HMCN1: variants seen among roughly 807,000 people sequenced by gnomAD.
HMCN1 encodes the protein hemicentin-1.
HMCN1 carries 321 observed loss-of-function variants against 625.9 expected under a neutral mutation model. The observed-to-expected ratio is 0.51, with a 90% CI of 0.47 to 0.56. The LOEUF is 0.56. Ranked by LOEUF, HMCN1 falls within the 20% of genes least tolerant of loss-of-function variation. HMCN1 has a pLI of 0.00. For synonymous variants in HMCN1, 2,425 were observed against 2,417.6 expected (o/e 1.00, Z -0.09); for missense variants, 6,588 against 6,887.3 (o/e 0.96, Z 1.54).
intron 69 of HMCN1, among the ~76,000 whole-genome samples, chr1:186,106,490 T>C (rs979114319): frequency 9.2e-5 from 14 of 152,226 alleles, no homozygotes; most frequent in African/African-American, 2.9e-4. Context: ...GTTTACTTAT[T>C]TAACATCTTA....
At chr1:186,101,817 T>A (rs930949096) in intron 68 of HMCN1, among the ~76,000 whole-genome samples, 4 of 152,038 alleles carry the variant, frequency 2.6e-5, no homozygotes, top group Non-Finnish European at 1.5e-5. Flanking sequence ...AGTAAATAAT[T>A]GACTATGGCA....
chr1:186,117,272 A>T (rs1049453963), intron 76 of HMCN1, among the ~76,000 whole-genome samples, 157 bp downstream of exon 76: 1 of 152,010 alleles, frequency 6.6e-6, no homozygotes, highest in Non-Finnish European at 1.5e-5. Context: ...AACTAGTGTC[A>T]TGGGGGTTTG....
chr1:185,846,576 ATG>A (rs1661831084), intron 2 of HMCN1, among the ~76,000 whole-genome samples: 1 of 152,234 alleles, frequency 6.6e-6, no homozygotes, highest in Non-Finnish European at 1.5e-5. Context: ...ATTGGTTTAA[ATG>A]TTATTCTGAA....
In HMCN1 at chr1:186,170,623, T is replaced by C. The variant is rs140668115; in HGVS notation, c.15575-714T>C. On this transcript the variant is annotated intron_variant, in intron 100 of 106. Transcript: ENST00000271588. ...GGGAATGATTGATGGACTACAGTCC[T>C]CATCTTGGTGAGGAAGGGTAAGATG... Among the ~76,000 whole-genome samples the C allele has an allele frequency of 3.6e-4, 55 of 152,286 alleles. No individual in the cohort carries two copies. In the East Asian group the frequency reaches 0.01, roughly 29 times the overall value.
chr1:185,999,806 G>C (rs373769810), intron 25 of HMCN1, among the ~76,000 whole-genome samples: 2 of 151,972 alleles, frequency 1.3e-5, no homozygotes, highest in East Asian at 1.9e-4. Context: ...TGAATGTTTA[G>C]ATAAAAACAA....
intron 4 of HMCN1, among the ~76,000 whole-genome samples, chr1:185,887,508 C>T (rs1340916833): frequency 6.7e-6 from 1 of 150,230 alleles, no homozygotes; most frequent in African/African-American, 2.4e-5. Context: ...CTTCCTGTGT[C>T]CATGTGATAT....
At chr1:186,122,874 GC>G in intron 80 of HMCN1, 76 bp from the exon 81 acceptor site, 2 of 1,421,074 alleles carry the variant, frequency 1.4e-6, no homozygotes, top group Non-Finnish European at 2.0e-6. Context: ...GTTTGCTAGA[GC>G]AGTACTGTAG....
At chr1:186,161,550 A>T (rs1436988849) in intron 97 of HMCN1, among the ~76,000 whole-genome samples, 1 of 151,298 alleles carries the variant, frequency 6.6e-6, no homozygotes, top group Admixed American at 6.6e-5. Context: ...ATTTTGCAGC[A>T]GCTGGTACCA....
chr1:186,018,351 T>A lies in HMCN1; in HGVS notation c.5469T>A (p.His1823Gln). 6.2e-7 allele frequency: 1 copy of A among 1,612,298 alleles called. No homozygotes were observed. Among genetic ancestry groups the A allele is most frequent in the Non-Finnish European group, 8.5e-7 (1 of 1,178,614 alleles). Residue 1823 changes from histidine to glutamine, a missense_variant and splice_region_variant, in exon 34 of 107, where the codon CAT (histidine) becomes CAA (glutamine). By Grantham distance (24) the His-to-Gln change is conservative. This residue lies in a region of HMCN1 where 4,628 missense variants were observed against 4,853.1 expected (regional missense o/e 0.95). Transcript: ENST00000271588. ...AGAAGGAATTTGAAGTGACTGTTCA[T>A]GGTATGCTGAAGAAGGGACAGGAAC... is the stretch of plus-strand genomic sequence containing the variant. ...DHKKEFEVTV[H>Q]VPPTIKSSGL...
rs1571678261 is a variant in HMCN1 at position 185,992,039 on chromosome 1, A to G, written c.3378-1143A>G. 3.9e-5 allele frequency among the ~76,000 whole-genome samples: 6 copies of G among 152,286 alleles called. No individual in the cohort carries two copies. The South Asian group carries it at 1.2e-3, about 32-fold the overall frequency. On this transcript the variant is annotated intron_variant, in intron 22 of 106. Coordinates refer to ENST00000271588, the MANE Select transcript of HMCN1 (RefSeq NM_031935.3). ...GTGATTAACTTCAAGTGAACTGAGA[A>G]CACTTTTACGTGTTTGTTGGCCATT... is the stretch of plus-strand genomic sequence containing the variant.
At chr1:185,948,282 T>C (rs1668447042) in intron 11 of HMCN1, among the ~76,000 whole-genome samples, 1 of 152,200 alleles carries the variant, frequency 6.6e-6, no homozygotes, top group African/African-American at 2.4e-5. Context: ...ACCCATTTCA[T>C]GCGTGTCCAT....
At chr1:186,109,894 A>G (rs1031067894) in intron 71 of HMCN1, among the ~76,000 whole-genome samples, 8 of 152,196 alleles carry the variant, frequency 5.3e-5, no homozygotes, top group Admixed American at 1.3e-4. Context: ...CTTTGCCTCC[A>G]TAGTCTGATC....
chr1:185,811,979 A>G (rs947063181), intron 1 of HMCN1, among the ~76,000 whole-genome samples: 3 of 152,222 alleles, frequency 2.0e-5, no homozygotes, highest in Non-Finnish European at 4.4e-5. Context: ...GACAGACATT[A>G]GCAATGTTTA....
rs770041663 is a variant in HMCN1, at chr1:186,057,284, G to T, written c.7195G>T (p.Val2399Leu). Residue 2399 changes from valine to leucine, a missense_variant, in exon 46 of 107, where the codon GTA becomes TTA. By Grantham distance (32) the Val-to-Leu change is conservative. This residue lies in a region of HMCN1 where 4,628 missense variants were observed against 4,853.1 expected (regional missense o/e 0.95). Transcript: ENST00000271588. ...NHRSPENISV[V>L]EKNSVSLTCE... is the part of the protein sequence containing the mutation. ...CAGGTCACCTGAAAATATTAGTGTG[G>T]TAGAAAAGAACTCAGTATCTTTGAC... 1 of 1,611,264 alleles carries T rather than the reference G, an allele frequency of 6.2e-7. No homozygotes were observed. The highest frequency in any genetic ancestry group is 8.5e-7 in the Non-Finnish European group (1 of 1,177,928).
chr1:186,007,287 G>C lies in HMCN1; in HGVS notation c.4630+5G>C. 3 of 1,613,192 alleles carry C rather than the reference G, an allele frequency of 1.9e-6. No homozygotes were observed. The highest frequency in any genetic ancestry group is 2.5e-6 in the Non-Finnish European group (3 of 1,179,304). The stretch of plus-strand genomic sequence containing the variant: ...ATATAAAACTGACTATCTATAGTAA[G>C]TGCGATTGTCTTATGCTTTTTATTG... On this transcript the variant is annotated splice_donor_5th_base_variant and intron_variant, in intron 30 of 106. Transcript: ENST00000271588.
At chr1:185,844,102 C>T (rs894916770) in intron 1 of HMCN1, among the ~76,000 whole-genome samples, 28 of 152,248 alleles carry the variant, frequency 1.8e-4, no homozygotes, top group African/African-American at 6.3e-4. Context: ...AACATAGAAG[C>T]TTGGCTTGAC....
intron 1 of HMCN1, among the ~76,000 whole-genome samples, chr1:185,785,932 T>C (rs1488807294): frequency 6.6e-6 from 1 of 152,208 alleles, no homozygotes; most frequent in Admixed American, 6.5e-5. Flanking sequence ...CGAAATGACA[T>C]TAACTACTGG....
Position 186,178,617 on chromosome 1 carries a change from A to G in HMCN1, c.16145A>G (p.Tyr5382Cys), listed in dbSNP as rs1185611288. Residue 5382 changes from tyrosine to cysteine, a missense_variant, in exon 104 of 107, where the codon TAT becomes TGT. Tyr to Cys is a radical substitution (Grantham distance 194). This residue lies in a region of HMCN1 where 1,954 missense variants were observed against 2,013.1 expected (regional missense o/e 0.97). Transcript: ENST00000271588. ...CGGTTCTCCCCTGTGAGAAACAACTATCAACCTCAACAGCATTACAGACAG... is the reference window on the plus strand; with the variant it reads ...CGGTTCTCCCCTGTGAGAAACAACTGTCAACCTCAACAGCATTACAGACAG... Reference protein sequence around the residue: ...LARFSPVRNNYQPQQHYRQYS... With the variant: ...LARFSPVRNNCQPQQHYRQYS... The G allele has an allele frequency of 4.3e-6, 7 of 1,614,046 alleles. No homozygotes were observed. The highest frequency in any genetic ancestry group is 5.1e-6 in the Non-Finnish European group (6 of 1,180,012).
chr1:186,022,201 T>C (rs1654766960), intron 35 of HMCN1, among the ~76,000 whole-genome samples: 2 of 152,128 alleles, frequency 1.3e-5, no homozygotes, highest in South Asian at 4.1e-4. Context: ...AAATTTAGGA[T>C]GCATTAGAGT....
Sources: gnomAD v4.1 joint callset for allele counts (sites outside exome capture counted in the v4.1 genomes callset) on GRCh38, gnomAD v4.1.1 for gene constraint, gnomAD v4.1.1 regional missense constraint, MANE v1.5 for transcripts, NCBI Gene and HGNC (gene_info 2026-07-23, HGNC 2026-07-21) for gene names.